The following ARVCF variants were observed in gnomAD, a reference collection of about 807,000 sequenced individuals.
ARVCF encodes splicing regulator ARVCF.
In ARVCF, 66 loss-of-function variants were observed where a neutral mutation model predicts 90.9. The observed-to-expected ratio is 0.73, with a 90% confidence interval of 0.60 to 0.89. The LOEUF is 0.89. ARVCF is among the 40% of genes least tolerant of loss of function. The pLI, the probability that ARVCF is intolerant of heterozygous loss-of-function variation, is 0.00. For missense variants in ARVCF, 1,469 were observed against 1,382.3 expected, an observed-to-expected ratio of 1.06 and a Z score of -1.00; for synonymous variants, 653 against 603.4, an observed-to-expected ratio of 1.08 and a Z score of -1.21.
chr22:19,966,653 C>G (rs1466102983), downstream of ARVCF, among the ~76,000 whole-genome samples: 1 of 152,120 alleles, frequency 6.6e-6, no homozygotes, highest in Non-Finnish European at 1.5e-5. Context: ...GTTGCCCAGA[C>G]TGGTCTCAAA....
chr22:20,002,705 AT>A (rs1188086234), intron 2 of ARVCF, among the ~76,000 whole-genome samples: 1 of 152,210 alleles, frequency 6.6e-6, no homozygotes, highest in African/African-American at 2.4e-5. Flanking sequence ...CACTGCTGGG[AT>A]TCAAATTTGG....
chr22:19,966,867 G>A (rs1263108814), downstream of ARVCF: 5 of 881,552 alleles, frequency 5.7e-6, no homozygotes, highest in African/African-American at 7.3e-5. Flanking sequence ...AGAGTCTAAG[G>A]AGGGTGGGCC....
At chr22:19,995,691 G>A (rs961738450) in intron 2 of ARVCF, among the ~76,000 whole-genome samples, 2 of 152,162 alleles carry the variant, frequency 1.3e-5, no homozygotes, top group South Asian at 2.1e-4. Flanking sequence ...AGGAATTTCC[G>A]AAGGGTCAGG....
At chr22:19,971,648 A>G (rs531040112) in intron 18 of ARVCF, among the ~76,000 whole-genome samples, 11 of 152,266 alleles carry the variant, frequency 7.2e-5, no homozygotes, top group Middle Eastern at 3.4e-3. Flanking sequence ...ACACTAGCTC[A>G]CAGGCTCTGG....
At chr22:19,979,215 G>T in intron 6 of ARVCF, 135 bp from the exon 7 acceptor site, 1 of 1,003,272 alleles carries the variant, frequency 1.0e-6, no homozygotes, top group Non-Finnish European at 1.4e-6. Context: ...AACAAAAGCC[G>T]TGAGTGGTTC....
chr22:19,982,101 G>T lies in ARVCF; in HGVS notation c.211-10C>A. ...TGCCTGGGCTCTGCTCCTGGGGCAA[G>T]GAGGGACATTGGTGGGCAGGCCTGC... On this transcript the variant is annotated splice_polypyrimidine_tract_variant and intron_variant, in intron 3 of 19. Transcript: ENST00000263207. 6.2e-7 allele frequency: 1 copy of T among 1,609,820 alleles called. No individual in the cohort carries two copies. Among genetic ancestry groups the T allele is most frequent in the South Asian group, 1.1e-5 (1 of 91,052 alleles).
chr22:19,966,385 G>A (rs1942392202), downstream of ARVCF, among the ~76,000 whole-genome samples: 1 of 150,072 alleles, frequency 6.7e-6, no homozygotes, highest in African/African-American at 2.5e-5. Context: ...CCGGGCTGCT[G>A]TAGTCACCAA....
At chr22:19,992,850 T>A (rs1944080464) in intron 2 of ARVCF, among the ~76,000 whole-genome samples, 1 of 152,024 alleles carries the variant, frequency 6.6e-6, no homozygotes, top group South Asian at 2.1e-4. Context: ...CCTAAGCCCC[T>A]CCAGCACACC....
At chr22:19,968,386 A>T, downstream of ARVCF, 1 of 748,388 alleles carries the variant, frequency 1.3e-6, no homozygotes. Flanking sequence ...TTCCTGCAGG[A>T]GTCACGCTGG....
chr22:19,972,961 G>A lies in ARVCF; in HGVS notation c.2514C>T (p.Thr838=), dbSNP rs775623105. The part of the protein sequence containing the change: ...TVWSYKELRG[T]LQKDGWTKAR... ...CCTTGGTCCAACCATCTTTCTGCAA[G>A]GTACCACGCAGCTCCTTGTAGCTCC... Residue 838 remains threonine, a synonymous_variant, in exon 15 of 20, where the codon ACC becomes ACT. Coordinates refer to ENST00000263207, the MANE Select transcript of ARVCF (RefSeq NM_001670.3). The A allele has an allele frequency of 3.1e-6, 5 of 1,613,842 alleles. No individual in the cohort carries two copies. Among genetic ancestry groups the A allele is most frequent in the Middle Eastern group, 1.6e-4 (1 of 6,062 alleles).
intron 2 of ARVCF, among the ~76,000 whole-genome samples, chr22:20,007,440 T>C (rs1334832415): frequency 3.3e-5 from 5 of 152,224 alleles, no homozygotes; most frequent in Non-Finnish European, 7.3e-5. Context: ...CAGATGCAGC[T>C]GTAAAAACAA....
Position 19,970,661 on chromosome 22 carries a change from C to T in ARVCF, c.*95G>A. 1 of 1,285,496 alleles carries T rather than the reference C, an allele frequency of 7.8e-7. No individual in the cohort carries two copies. The highest frequency in any genetic ancestry group is 1.5e-5 in the African/African-American group (1 of 65,678). The allele number at this position is 1,285,496 out of a possible 1,614,324, so 79.6% of individuals were successfully genotyped here. On this transcript the variant is annotated 3_prime_UTR_variant, in exon 20 of 20. Transcript: ENST00000263207. ...GCTGCCAACCCCTGCCGCCAGGGGG[C>T]TCCAAGCTCCACGGCACGATCTGCT...
At position 19,977,482 on chromosome 22, in the gene ARVCF, G is replaced by A. The variant is rs1045343254; in HGVS notation, c.1803C>T (p.Gly601=). 6.3e-7 allele frequency: 1 copy of A among 1,596,464 alleles called. No individual in the cohort carries two copies. Among genetic ancestry groups the A allele is most frequent in the Non-Finnish European group, 8.5e-7 (1 of 1,170,774 alleles). ...RYQEAEPGPL[G]SAVGSQRRRR... Reference sequence around the variant, plus strand: ...TCCGGCGCTGGGAGCCTACAGCACTGCCCAGGGGCCCGGGCTCGGCCTCCT... The same window carrying A: ...TCCGGCGCTGGGAGCCTACAGCACTACCCAGGGGCCCGGGCTCGGCCTCCT... The change falls in exon 9 of 20, where the codon GGC becomes GGT. Residue 601 remains glycine, a synonymous_variant. Coordinates refer to ENST00000263207, the MANE Select transcript of ARVCF (RefSeq NM_001670.3).
chr22:19,986,139 GCTGA>G (rs893735033), intron 3 of ARVCF, among the ~76,000 whole-genome samples: 7 of 152,242 alleles, frequency 4.6e-5, no homozygotes, highest in Admixed American at 3.3e-4. Flanking sequence ...GGAGAGCAGG[GCTGA>G]CTGTCATCCA....
chr22:19,986,611 AG>A (rs1388270253), intron 3 of ARVCF: 2 of 155,324 alleles, frequency 1.3e-5, no homozygotes, highest in African/African-American at 4.8e-5. Context: ...GGGGGTGTGG[AG>A]GGGAGAGGAG....
At chr22:19,966,651 G>C (rs1423695301), downstream of ARVCF, among the ~76,000 whole-genome samples, 1 of 152,030 alleles carries the variant, frequency 6.6e-6, no homozygotes, top group African/African-American at 2.4e-5. Flanking sequence ...ATGTTGCCCA[G>C]ACTGGTCTCA....
intron 1 of ARVCF, among the ~76,000 whole-genome samples, chr22:20,011,651 AAT>A (rs1269021055): frequency 4.0e-5 from 6 of 151,892 alleles, no homozygotes; most frequent in African/African-American, 1.2e-4. Flanking sequence ...CGTGCATGTG[AAT>A]ATGAGTGTGT....
In ARVCF at chr22:19,973,761, T is replaced by C; in HGVS notation, c.2121A>G (p.Lys707=). 6.2e-7 allele frequency: 1 copy of C among 1,607,708 alleles called. No individual in the cohort carries two copies. The highest frequency in any genetic ancestry group is 8.5e-7 in the Non-Finnish European group (1 of 1,179,816). The change falls in exon 13 of 20, where the codon AAA becomes AAG. Residue 707 remains lysine (K), a synonymous_variant. Transcript: ENST00000263207. ...WATYIRATVR[K]ERGLPVLVEL... Reference sequence around the variant, plus strand: ...CCACAAGCACCGGCAGCCCGCGCTCTTTGCGCACTGTGGCGCGGATGTACG... The same window carrying C: ...CCACAAGCACCGGCAGCCCGCGCTCCTTGCGCACTGTGGCGCGGATGTACG...
chr22:19,968,910 C>G, downstream of ARVCF: 1 of 624,676 alleles, frequency 1.6e-6, no homozygotes, highest in Non-Finnish European at 2.9e-6. Flanking sequence ...CTGGATTGTT[C>G]TTTTTTAAGA....
Sources: allele counts gnomAD v4.1 joint callset (sites outside exome capture counted in the v4.1 genomes callset), GRCh38; gene constraint gnomAD v4.1.1; transcripts MANE v1.5; gene names NCBI Gene and HGNC (gene_info 2026-07-23, HGNC 2026-07-21).